TRIO: variants seen among roughly 807,000 people sequenced by gnomAD.
TRIO encodes triple functional domain protein.
A neutral mutation model predicts 351.9 loss-of-function variants in TRIO; 58 were observed. The ratio of observed to expected loss-of-function variants is 0.16; its 90% CI spans 0.13 to 0.21. The LOEUF is 0.21. Ranked by LOEUF, TRIO falls within the 10% of genes least tolerant of loss-of-function variation. The pLI is 1.00. For missense variants in TRIO, 3,201 were observed against 4,027.8 expected (o/e 0.79, Z 5.56); for synonymous variants, 1,758 against 1,595.7 (o/e 1.10, Z -2.42).
In TRIO at chr5:14,487,643, TC is replaced by T; in HGVS notation, c.7018del (p.Arg2340GlyfsTer73). ...GAPSTSRSRP[S>X]RIPQPVRHHP... The stretch of plus-strand genomic sequence containing the variant: ...CCCCAGCACGAGCAGGAGCCGGCCC[TC>T]CCGGATCCCCCAGCCTGTCCGACAC... On this transcript the variant is annotated frameshift_variant, in exon 48 of 57. Coordinates refer to ENST00000344204, the MANE Select transcript of TRIO (RefSeq NM_007118.4). LOFTEE classifies it high-confidence loss of function. The T allele has an allele frequency of 7.9e-7, 1 of 1,263,262 alleles. No homozygotes were observed. The highest frequency in any genetic ancestry group is 2.9e-5 in the South Asian group (1 of 35,012). The allele number at this position is 1,263,262 out of a possible 1,614,324, so 78.3% of individuals were successfully genotyped here.
In TRIO at chr5:14,315,453, A is replaced by G. The variant is rs547204897; in HGVS notation, c.1501-1060A>G. Among the ~76,000 whole-genome samples the G allele has an allele frequency of 1.4e-4, 22 of 152,112 alleles. No homozygotes were observed. In the East Asian group the frequency reaches 4.1e-3, roughly 28 times the overall value. Reference sequence around the variant, plus strand: ...TTTTTAGTAGAGACGGGGTTTCACCATGTTGGCCAGGATGGTCTCGATCTC... The same window carrying G: ...TTTTTAGTAGAGACGGGGTTTCACCGTGTTGGCCAGGATGGTCTCGATCTC... On this transcript the variant is annotated intron_variant, in intron 8 of 56. Coordinates refer to ENST00000344204, the MANE Select transcript of TRIO (RefSeq NM_007118.4).
At chr5:14,484,979 T>A in intron 46 of TRIO, 90 bp from the exon 47 acceptor site, 1 of 1,348,594 alleles carries the variant, frequency 7.4e-7, no homozygotes, top group Non-Finnish European at 9.8e-7. Context: ...ATAGCCCACA[T>A]TTTCTTTGTC....
At chr5:14,298,476 T>G (rs190582495) in intron 7 of TRIO, among the ~76,000 whole-genome samples, 2 of 152,286 alleles carry the variant, frequency 1.3e-5, no homozygotes, top group East Asian at 3.9e-4. Context: ...GGGTTAATTT[T>G]TGGGGGAAAG....
intron 1 of TRIO, among the ~76,000 whole-genome samples, chr5:14,269,037 G>T (rs1297134637): frequency 6.6e-6 from 1 of 152,166 alleles, no homozygotes; most frequent in Non-Finnish European, 1.5e-5. Context: ...AGCTTGGTGG[G>T]TTGCCAGCAC....
In TRIO at chr5:14,205,416, T is replaced by G. The variant is rs140899716; in HGVS notation, c.157+61534T>G. ...ACAGTGAACAGTAGTTCCTCAGCAT[T>G]TGAAGTAATGTTACAAGTCAATACA... On this transcript the variant is annotated intron_variant, in intron 1 of 56. Coordinates refer to ENST00000344204, the MANE Select transcript of TRIO (RefSeq NM_007118.4). Among the ~76,000 whole-genome samples the G allele has an allele frequency of 1.4e-4, 21 of 152,338 alleles. 1 individual carries two copies. The East Asian group carries it at 3.9e-3, about 28-fold the overall frequency.
intron 1 of TRIO, among the ~76,000 whole-genome samples, chr5:14,193,893 G>A (rs1009545273): frequency 2.6e-5 from 3 of 117,340 alleles, no homozygotes; most frequent in African/African-American, 7.5e-5. Context: ...CGTTTACTGT[G>A]TGTTCGTGTG....
chr5:14,301,625 C>T (rs546760838), intron 7 of TRIO, among the ~76,000 whole-genome samples: 72 of 152,264 alleles, frequency 4.7e-4, no homozygotes, highest in African/African-American at 1.6e-3. Flanking sequence ...AGTCCCCCCT[C>T]GTATGATATC....
At chr5:14,363,196 T>A (rs924896086) in intron 13 of TRIO, among the ~76,000 whole-genome samples, 1 of 152,042 alleles carries the variant, frequency 6.6e-6, no homozygotes, top group African/African-American at 2.4e-5. Flanking sequence ...GATGGGGTTT[T>A]GCCATGTTGA....
rs1757520523 is a variant in TRIO, at chr5:14,504,446, T to C, written c.8465T>C (p.Val2822Ala). Residue 2822 changes from valine (V) to alanine (A), a missense_variant, in exon 55 of 57, where the codon GTG (valine) becomes GCG (alanine). Coordinates refer to ENST00000344204, the MANE Select transcript of TRIO (RefSeq NM_007118.4). ...KCDQKGTKRA[V>A]ATKFVNKKLM... is the part of the protein sequence containing the mutation. The stretch of plus-strand genomic sequence containing the variant: ...GATCAGAAAGGAACCAAGCGAGCAG[T>C]GGCCACTAAGTTTGTGAACAAGAAG... 1.9e-6 allele frequency: 3 copies of C among 1,613,958 alleles called. No homozygotes were observed. The highest frequency in any genetic ancestry group is 2.5e-6 in the Non-Finnish European group (3 of 1,180,018).
rs931278882 is a variant in TRIO, at chr5:14,264,756, G to A, written c.158-6069G>A. ...CGTGCGGCCGCTCCCTGTGCTGAGAGTATAATCCTGCGGGCTCCGCAGAGA... is the reference window on the plus strand; with the variant it reads ...CGTGCGGCCGCTCCCTGTGCTGAGAATATAATCCTGCGGGCTCCGCAGAGA... On this transcript the variant is annotated intron_variant, in intron 1 of 56. Transcript: ENST00000344204. Among the ~76,000 whole-genome samples the A allele has an allele frequency of 2.6e-5, 4 of 152,350 alleles. No individual in the cohort carries two copies. The East Asian group carries it at 7.7e-4, about 29-fold the overall frequency.
chr5:14,414,898 G>A (rs974841702), intron 33 of TRIO, among the ~76,000 whole-genome samples: 1 of 152,200 alleles, frequency 6.6e-6, no homozygotes, highest in African/African-American at 2.4e-5. Context: ...AGAAGCTTGG[G>A]TGGGTGAGAG....
At chr5:14,234,211 A>G (rs1581410871) in intron 1 of TRIO, among the ~76,000 whole-genome samples, 1 of 152,080 alleles carries the variant, frequency 6.6e-6, no homozygotes, top group South Asian at 2.1e-4. Context: ...CCATAGGGAG[A>G]TAGTGGTAGT....
chr5:14,424,444 CGAA>C (rs1196932130), intron 34 of TRIO, among the ~76,000 whole-genome samples: 7 of 151,924 alleles, frequency 4.6e-5, no homozygotes, highest in Non-Finnish European at 1.0e-4. Context: ...CATTTTATTT[CGAA>C]GAAGTTCAGA....
intron 1 of TRIO, among the ~76,000 whole-genome samples, chr5:14,164,890 C>G (rs1486860369): frequency 6.6e-6 from 1 of 152,164 alleles, no homozygotes; most frequent in Non-Finnish European, 1.5e-5. Context: ...TGTTTAGTTA[C>G]TTTACAAACA....
At chr5:14,231,877 T>C (rs1021990368) in intron 1 of TRIO, among the ~76,000 whole-genome samples, 1 of 151,346 alleles carries the variant, frequency 6.6e-6, no homozygotes. Context: ...TTTCTCATAC[T>C]ATCATAGGCC....
At chr5:14,149,415 T>G (rs1787698233) in intron 1 of TRIO, among the ~76,000 whole-genome samples, 8 of 152,206 alleles carry the variant, frequency 5.3e-5, no homozygotes, top group Admixed American at 5.2e-4. Flanking sequence ...TGGAAACACT[T>G]AATTTGCTTA....
intron 1 of TRIO, among the ~76,000 whole-genome samples, chr5:14,172,928 G>GAT (rs1789185328): frequency 6.6e-6 from 1 of 152,220 alleles, no homozygotes; most frequent in African/African-American, 2.4e-5. Flanking sequence ...TGAAAGATCA[G>GAT]CGGTGGAGCG....
intron 1 of TRIO, among the ~76,000 whole-genome samples, chr5:14,211,060 G>T (rs74466976): frequency 2.6e-5 from 4 of 152,182 alleles, no homozygotes; most frequent in African/African-American, 9.6e-5. Context: ...ACTTGAAGCC[G>T]TGCCAACTGC....
intron 1 of TRIO, among the ~76,000 whole-genome samples, chr5:14,248,247 C>G (rs1277792583): frequency 6.6e-6 from 1 of 152,130 alleles, no homozygotes; most frequent in Non-Finnish European, 1.5e-5. Flanking sequence ...AGGAATCATT[C>G]TTTAATGTTA....
Sources: allele counts gnomAD v4.1 joint callset (sites outside exome capture counted in the v4.1 genomes callset), GRCh38; gene constraint gnomAD v4.1.1; transcripts MANE v1.5; gene names NCBI Gene and HGNC (gene_info 2026-07-23, HGNC 2026-07-21).